Variants in PCNX1 observed in about 807,000 individuals in gnomAD.
PCNX1 encodes the protein pecanex-like protein 1.
A neutral mutation model predicts 242.2 loss-of-function variants in PCNX1; 78 were observed. That is an observed-to-expected ratio of 0.32 (90% CI 0.27 to 0.39). The LOEUF (loss-of-function observed/expected upper bound fraction) is 0.39. Ranked by LOEUF, PCNX1 falls within the 10% of genes least tolerant of loss-of-function variation. The pLI is 1.00. For missense variants in PCNX1, 2,581 were observed against 2,856.5 expected, an observed-to-expected ratio of 0.90 and a Z score of 2.20; for synonymous variants, 1,024 against 1,032.9, an observed-to-expected ratio of 0.99 and a Z score of 0.17.
At position 70,977,515 on chromosome 14, in the gene PCNX1, C is replaced by T. The variant is rs767540400; in HGVS notation, c.1178C>T (p.Thr393Ile). Reference protein sequence around the residue: ...ESYCSGTDRDTNSTVSSYKSE... With the variant: ...ESYCSGTDRDINSTVSSYKSE... ...TACTGCAGTGGAACGGACCGGGACA[C>T]TAACAGTACTGTCAGCAGCTATAAA... is the stretch of plus-strand genomic sequence containing the variant. The change falls in exon 6 of 36, where the codon ACT becomes ATT. Residue 393 changes from threonine (T) to isoleucine (I), a missense_variant. Physicochemically the swap from Thr to Ile is moderately conservative, Grantham distance 89. Transcript: ENST00000304743. 9.9e-6 allele frequency: 16 copies of T among 1,614,030 alleles called. No individual in the cohort carries two copies. Among genetic ancestry groups the T allele is most frequent in the South Asian group, 5.5e-5 (5 of 91,086 alleles).
intron 34 of PCNX1, 87 bp from the exon 35 acceptor site, chr14:71,109,365 C>A: frequency 8.4e-7 from 1 of 1,188,212 alleles, no homozygotes; most frequent in South Asian, 1.5e-5. Flanking sequence ...AGTAATTCCT[C>A]TCTGTGAAAA....
rs2062476831 is a variant in PCNX1 at position 71,102,006 on chromosome 14, C to T, written c.5606C>T (p.Pro1869Leu). 2 of 1,584,362 alleles carry T rather than the reference C, an allele frequency of 1.3e-6. No homozygotes were observed. Among genetic ancestry groups the T allele is most frequent in the Non-Finnish European group, 8.6e-7 (1 of 1,160,266 alleles). The change falls in exon 31 of 36, where the codon CCA becomes CTA. Residue 1869 changes from proline to leucine, a missense_variant. Physicochemically the swap from Pro to Leu is moderately conservative, Grantham distance 98. Coordinates refer to ENST00000304743, the MANE Select transcript of PCNX1 (RefSeq NM_014982.3). ...TGTATTTAGGATCATTTTACTTCTC[C>T]AGATGAATATGATGACCCTACTGTG... ...IKLHQDHFTS[P>L]DEYDDPTVLY...
Position 71,073,758 on chromosome 14 carries a change from T to A in PCNX1, c.5066T>A (p.Val1689Asp). Residue 1689 changes from valine (V) to aspartate (D), a missense_variant, in exon 27 of 36, where the codon GTC (valine) becomes GAC (aspartate). This residue lies in a region of PCNX1 where 298 missense variants were observed against 480.1 expected (regional missense o/e 0.62). Coordinates refer to ENST00000304743, the MANE Select transcript of PCNX1 (RefSeq NM_014982.3). The stretch of plus-strand genomic sequence containing the variant: ...AACAGTGCTGCTTCTATGCTTCAAG[T>A]CTTTGATCTTCGGAAAGTACTCACC... ...TDNSAASMLQ[V>D]FDLRKVLTTY... 1 of 1,611,258 alleles carries A rather than the reference T, an allele frequency of 6.2e-7. No homozygotes were observed. The highest frequency in any genetic ancestry group is 8.5e-7 in the Non-Finnish European group (1 of 1,177,688).
chr14:71,037,466 A>G (rs961626186), intron 19 of PCNX1, among the ~76,000 whole-genome samples: 4 of 150,634 alleles, frequency 2.7e-5, no homozygotes, highest in Non-Finnish European at 4.4e-5. Flanking sequence ...ATGTCCCATC[A>G]ATACCTAATT....
chr14:70,974,055 T>C (rs910779949), intron 5 of PCNX1, among the ~76,000 whole-genome samples: 2 of 151,574 alleles, frequency 1.3e-5, no homozygotes, highest in Non-Finnish European at 2.9e-5. Context: ...ATAAACACAA[T>C]TATATGTGGT....
At chr14:70,958,039 A>G (rs948264144) in intron 2 of PCNX1, among the ~76,000 whole-genome samples, 3 of 152,002 alleles carry the variant, frequency 2.0e-5, no homozygotes, top group Non-Finnish European at 4.4e-5. Flanking sequence ...GTGCCTCTAT[A>G]TACATACTTA....
At position 70,962,288 on chromosome 14, in the gene PCNX1, G is replaced by A. The variant is rs965542091; in HGVS notation, c.425G>A (p.Cys142Tyr). Residue 142 changes from cysteine (C) to tyrosine (Y), a missense_variant, in exon 3 of 36, where the codon TGC (cysteine) becomes TAC (tyrosine). This residue lies in a region of PCNX1 where 1,204 missense variants were observed against 1,216.7 expected (regional missense o/e 0.99). Coordinates refer to ENST00000304743, the MANE Select transcript of PCNX1 (RefSeq NM_014982.3). Reference sequence around the variant, plus strand: ...CGAGAGGCCACACCCCCAGTTGGTTGCAGTTCCAGAAATTCTTATGCCGGT... The same window carrying A: ...CGAGAGGCCACACCCCCAGTTGGTTACAGTTCCAGAAATTCTTATGCCGGT... ...FIREATPPVG[C>Y]SSRNSYAGLD... is the part of the protein sequence containing the mutation. The A allele has an allele frequency of 6.2e-7, 1 of 1,613,446 alleles. No homozygotes were observed. Among genetic ancestry groups the A allele is most frequent in the African/African-American group, 1.3e-5 (1 of 74,892 alleles).
At position 70,978,207 on chromosome 14, in the gene PCNX1, A is replaced by G; in HGVS notation, c.1870A>G (p.Ser624Gly). The G allele has an allele frequency of 6.2e-7, 1 of 1,614,134 alleles. No homozygotes were observed. Among genetic ancestry groups the G allele is most frequent in the Non-Finnish European group, 8.5e-7 (1 of 1,179,994 alleles). ...VQSAHQFSSDSSSSTTSHSCQ... is the reference protein window; with the variant it reads ...VQSAHQFSSDGSSSTTSHSCQ... ...GTCTGCTCACCAGTTCAGCAGTGAT[A>G]GCTCTTCTAGCACCACTTCTCATTC... The change falls in exon 6 of 36, where the codon AGC becomes GGC. Residue 624 changes from serine (S) to glycine (G), a missense_variant. Physicochemically the swap from Ser to Gly is moderately conservative, Grantham distance 56 (BLOSUM62 0). This residue lies in a region of PCNX1 where 1,204 missense variants were observed against 1,216.7 expected (regional missense o/e 0.99). Coordinates refer to ENST00000304743, the MANE Select transcript of PCNX1 (RefSeq NM_014982.3).
intron 16 of PCNX1, among the ~76,000 whole-genome samples, chr14:71,031,294 C>T (rs1378452976): frequency 6.6e-6 from 1 of 152,220 alleles, no homozygotes; most frequent in Non-Finnish European, 1.5e-5. Context: ...TCAAATCCAA[C>T]ATCCCTTCCT....
At position 71,091,291 on chromosome 14, in the gene PCNX1, C is replaced by T. The variant is rs114658286; in HGVS notation, c.5589+1949C>T. On this transcript the variant is annotated intron_variant, in intron 30 of 35. Coordinates refer to ENST00000304743, the MANE Select transcript of PCNX1 (RefSeq NM_014982.3). Reference sequence around the variant, plus strand: ...AAATCTAGGTGTGTAAATCAGTACTCACCATTGCCAAAGTTCATGTGCTCA... The same window carrying T: ...AAATCTAGGTGTGTAAATCAGTACTTACCATTGCCAAAGTTCATGTGCTCA... Among the ~76,000 whole-genome samples, 955 of 152,276 alleles carry T rather than the reference C, an allele frequency of 6.3e-3. 8 individuals carry two copies. The highest frequency in any genetic ancestry group is 0.022 in the African/African-American group (920 of 41,546).
In PCNX1 at chr14:71,036,201, C is replaced by T. The variant is rs746915344; in HGVS notation, c.3867+44C>T. ...CTTTTATTTGTTTGTTTGTTTGAGA[C>T]AGGGTCTCACTCTGTCACCCAGGCT... is the stretch of plus-strand genomic sequence containing the variant. On this transcript the variant is annotated intron_variant, in intron 19 of 35. Transcript: ENST00000304743. 1.1e-5 allele frequency: 13 copies of T among 1,231,662 alleles called. No homozygotes were observed. The South Asian group carries it at 1.4e-4, about 14-fold the overall frequency. 76.3% of individuals were successfully genotyped at this position (1,231,662 alleles called of 1,614,324 possible). A position where few individuals can be genotyped will look rare whatever the true frequency, so the allele number is the denominator to read the frequency against.
In PCNX1 at chr14:70,977,711, G is replaced by A. The variant is rs772887364; in HGVS notation, c.1374G>A (p.Ala458=). 6 of 1,613,974 alleles carry A rather than the reference G, an allele frequency of 3.7e-6. No homozygotes were observed. The highest frequency in any genetic ancestry group is 1.3e-5 in the African/African-American group (1 of 74,896). ...GCAGTGAAAAGATTGCTATGGAAGCGAGTACCAACAGTGGGGTTCACGAGG... is the reference window on the plus strand; with the variant it reads ...GCAGTGAAAAGATTGCTATGGAAGCAAGTACCAACAGTGGGGTTCACGAGG... ...RTSSEKIAME[A]STNSGVHEAK... The change falls in exon 6 of 36, where the codon GCG becomes GCA. Residue 458 remains alanine, a synonymous_variant. Transcript: ENST00000304743.
chr14:70,992,468 T>C (rs1187533938), intron 7 of PCNX1, among the ~76,000 whole-genome samples: 1 of 152,186 alleles, frequency 6.6e-6, no homozygotes, highest in African/African-American at 2.4e-5. Context: ...TCTGGGTTTT[T>C]CTAGAATATA....
chr14:71,113,487 A>AT lies in PCNX1; in HGVS notation c.*3557dup, dbSNP rs1162351720. 1 of 152,612 alleles carries AT rather than the reference A, an allele frequency of 6.6e-6. No individual in the cohort carries two copies. The highest frequency in any genetic ancestry group is 2.4e-5 in the African/African-American group (1 of 41,438). The allele number at this position is 152,612 out of a possible 1,614,324, so 9.5% of individuals were successfully genotyped here. A position where few individuals can be genotyped will look rare whatever the true frequency, so the allele number is the denominator to read the frequency against. ...ACCAAAATATAAAAATCAGCCTCAC[A>AT]TTTTTCAGCAAGTTTAGCTTATAGC... On this transcript the variant is annotated 3_prime_UTR_variant, in exon 36 of 36. Transcript: ENST00000304743.
intron 8 of PCNX1, among the ~76,000 whole-genome samples, chr14:71,002,284 G>C (rs1348461726): frequency 6.6e-6 from 1 of 152,166 alleles, no homozygotes; most frequent in Non-Finnish European, 1.5e-5. Flanking sequence ...GTATCTGGTA[G>C]GAATTTCACT....
chr14:70,978,064 G>A lies in PCNX1; in HGVS notation c.1727G>A (p.Arg576Gln), dbSNP rs773540408. 47 of 1,613,982 alleles carry A rather than the reference G, an allele frequency of 2.9e-5. 1 individual carries two copies. In the South Asian group the frequency reaches 4.9e-4, roughly 17 times the overall value. The change falls in exon 6 of 36, where the codon CGG (arginine) becomes CAG (glutamine). Residue 576 changes from arginine (R) to glutamine (Q), a missense_variant. By Grantham distance (43) the Arg-to-Gln change is conservative. This residue lies in a region of PCNX1 where 1,204 missense variants were observed against 1,216.7 expected (regional missense o/e 0.99). Transcript: ENST00000304743. ...KKRASSFDSS[R>Q]HRDYVCFRGV... is the part of the protein sequence containing the mutation. ...CGGGCTAGCAGTTTTGATTCAAGCCGGCATAGGGACTATGTTTGCTTTCGA... is the reference window on the plus strand; with the variant it reads ...CGGGCTAGCAGTTTTGATTCAAGCCAGCATAGGGACTATGTTTGCTTTCGA...
rs181278770 is a variant in PCNX1 at position 71,085,944 on chromosome 14, A to G, written c.5338-2386A>G. On this transcript the variant is annotated intron_variant, in intron 28 of 35. Coordinates refer to ENST00000304743, the MANE Select transcript of PCNX1 (RefSeq NM_014982.3). Reference sequence around the variant, plus strand: ...CTCTACGCCTTTTGCAGGAACTCCAATTATATTTGTATTAGGCTGCTTGAT... The same window carrying G: ...CTCTACGCCTTTTGCAGGAACTCCAGTTATATTTGTATTAGGCTGCTTGAT... The G allele has an allele frequency of 4.4e-4, 70 of 158,630 alleles. No homozygotes were observed. In the South Asian group the frequency reaches 5.5e-3, roughly 12 times the overall value. 9.8% of individuals were successfully genotyped at this position (158,630 alleles called of 1,614,324 possible).
At chr14:70,932,892 T>C (rs1225730402) in intron 1 of PCNX1, among the ~76,000 whole-genome samples, 1 of 151,946 alleles carries the variant, frequency 6.6e-6, no homozygotes, top group Non-Finnish European at 1.5e-5. Context: ...GATTACAGGC[T>C]TGAGCCACCA....
chr14:70,938,207 C>T (rs2057087789), intron 1 of PCNX1, among the ~76,000 whole-genome samples: 1 of 152,074 alleles, frequency 6.6e-6, no homozygotes, highest in Admixed American at 6.5e-5. Context: ...CTGTCTTGTG[C>T]CAGTTTTCAA....
Sources: allele counts gnomAD v4.1 joint callset (sites outside exome capture counted in the v4.1 genomes callset), GRCh38; gene constraint gnomAD v4.1.1; regional missense constraint gnomAD v4.1.1; transcripts MANE v1.5; gene names NCBI Gene and HGNC (gene_info 2026-07-23, HGNC 2026-07-21).